PRKG1: variants seen among roughly 807,000 people sequenced by gnomAD.
The protein encoded by PRKG1 is cGMP-dependent protein kinase 1.
Under a neutral mutation model 88.1 loss-of-function variants are expected in PRKG1, and 35 were observed. The ratio of observed to expected loss-of-function variants is 0.40; its 90% CI spans 0.30 to 0.53. The LOEUF (loss-of-function observed/expected upper bound fraction) is 0.53. Ranked by LOEUF, PRKG1 falls within the 20% of genes least tolerant of loss-of-function variation. The pLI is 0.59. For missense variants in PRKG1, 540 were observed against 839.8 expected, an observed-to-expected ratio of 0.64 and a Z score of 4.41; for synonymous variants, 303 against 292.5, an observed-to-expected ratio of 1.04 and a Z score of -0.37.
chr10:51,972,515 C>T (rs576888021), intron 5 of PRKG1, among the ~76,000 whole-genome samples: 2 of 152,288 alleles, frequency 1.3e-5, no homozygotes, highest in South Asian at 2.1e-4. Context: ...ATACTTATAA[C>T]ACGTGGTAAA....
intron 4 of PRKG1, among the ~76,000 whole-genome samples, chr10:51,888,713 G>A (rs1841635912): frequency 6.6e-6 from 1 of 152,156 alleles, no homozygotes; most frequent in Admixed American, 6.5e-5. Flanking sequence ...TTTGTGTCCA[G>A]GTTTTGCCAC....
chr10:51,892,921 G>A (rs1452428943), intron 4 of PRKG1, among the ~76,000 whole-genome samples: 1 of 152,066 alleles, frequency 6.6e-6, no homozygotes, highest in Admixed American at 6.6e-5. Flanking sequence ...TATTTAAAAG[G>A]TCATACATTC....
chr10:51,634,757 A>T (rs1486083465), intron 3 of PRKG1, among the ~76,000 whole-genome samples: 1 of 152,140 alleles, frequency 6.6e-6, no homozygotes, highest in Non-Finnish European at 1.5e-5. Flanking sequence ...CACAGCCATA[A>T]AAAAGAATGA....
At chr10:51,810,367 G>GTGAT (rs1839423498) in intron 4 of PRKG1, among the ~76,000 whole-genome samples, 1 of 152,238 alleles carries the variant, frequency 6.6e-6, no homozygotes, top group East Asian at 1.9e-4. Context: ...TTACTGGGAG[G>GTGAT]TGATTTGTAA....
At chr10:51,568,617 A>G (rs1001690148) in intron 3 of PRKG1, 1 of 152,056 alleles carries the variant, frequency 6.6e-6, no homozygotes, top group Non-Finnish European at 1.5e-5. Context: ...GTATTTAAAT[A>G]ACTTTATAGC....
chr10:51,933,651 A>G (rs988315565), intron 5 of PRKG1, among the ~76,000 whole-genome samples: 4 of 152,032 alleles, frequency 2.6e-5, no homozygotes, highest in African/African-American at 7.2e-5. Context: ...CTTGCAGATC[A>G]AAAGAAACAA....
In PRKG1 at chr10:52,280,003, TTCAA is replaced by T. The variant is rs574642273; in HGVS notation, c.1404-773_1404-770del. ...CCAAGGTTTTTTCTAAATTATTTCA[TTCAA>T]TCAATCAATCAACATATATATGCCC... On this transcript the variant is annotated intron_variant, in intron 12 of 17. Transcript: ENST00000373980. Among the ~76,000 whole-genome samples, 1,331 of 152,172 alleles carry T rather than the reference TTCAA, an allele frequency of 8.7e-3. 19 individuals are homozygous for T. Among genetic ancestry groups the T allele is most frequent in the African/African-American group, 0.031 (1,270 of 41,528 alleles).
intron 3 of PRKG1, among the ~76,000 whole-genome samples, chr10:51,642,133 T>A (rs1314945580): frequency 6.6e-6 from 1 of 152,182 alleles, no homozygotes. Context: ...GGCTCACCAT[T>A]GTAATCCCAG....
intron 5 of PRKG1, among the ~76,000 whole-genome samples, chr10:51,987,240 G>T (rs549325159): frequency 6.6e-6 from 1 of 152,038 alleles, no homozygotes; most frequent in South Asian, 2.1e-4. Flanking sequence ...AAGTCTCTGG[G>T]TACATATGTT....
intron 3 of PRKG1, chr10:51,698,570 C>T: frequency 6.2e-7 from 1 of 1,613,918 alleles, no homozygotes; most frequent in Non-Finnish European, 8.5e-7. Context: ...TAACAGTCCT[C>T]GAGGAGGCAG....
intron 12 of PRKG1, 34 bp downstream of exon 12, chr10:52,272,515 A>C (rs767730912): frequency 1.4e-6 from 2 of 1,456,238 alleles, no homozygotes; most frequent in African/African-American, 1.4e-5. Context: ...TGATATCTCT[A>C]AAAACAGTTG....
Position 51,423,749 on chromosome 10 carries a change from A to T in PRKG1, c.479-43974A>T, listed in dbSNP as rs986697143. Among the ~76,000 whole-genome samples the T allele has an allele frequency of 3.3e-5, 5 of 152,312 alleles. No individual in the cohort carries two copies. The East Asian group carries it at 5.8e-4, about 18-fold the overall frequency. Reference sequence around the variant, plus strand: ...CTGAGGGTTTATCTGGAAGGCTAAGATGAATATTTTTAGGACATAGTTCGC... The same window carrying T: ...CTGAGGGTTTATCTGGAAGGCTAAGTTGAATATTTTTAGGACATAGTTCGC... On this transcript the variant is annotated intron_variant, in intron 2 of 17. Coordinates refer to ENST00000373980, the MANE Select transcript of PRKG1 (RefSeq NM_006258.4).
Position 52,110,058 on chromosome 10 carries a change from A to C in PRKG1, c.936-23782A>C, listed in dbSNP as rs557969801. ...TACTCAACACTCTTTAGAAGACCTG[A>C]TTCTAGGCCGGGCGCCGTGGCTCAC... On this transcript the variant is annotated intron_variant, in intron 7 of 17. Coordinates refer to ENST00000373980, the MANE Select transcript of PRKG1 (RefSeq NM_006258.4). Among the ~76,000 whole-genome samples, 10 of 151,974 alleles carry C rather than the reference A, an allele frequency of 6.6e-5. 1 individual carries two copies. In the South Asian group the frequency reaches 1.5e-3, roughly 22 times the overall value.
chr10:52,156,460 T>A (rs1036719444), intron 8 of PRKG1, among the ~76,000 whole-genome samples: 3 of 151,832 alleles, frequency 2.0e-5, no homozygotes, highest in Non-Finnish European at 4.4e-5. Context: ...CCCTTATAGA[T>A]AGTAGGTATT....
At chr10:51,586,939 G>A (rs1405805232) in intron 3 of PRKG1, among the ~76,000 whole-genome samples, 3 of 152,068 alleles carry the variant, frequency 2.0e-5, no homozygotes, top group African/African-American at 7.2e-5. Context: ...GATAGACTAA[G>A]CATTTCTCAA....
chr10:51,437,486 C>A lies in PRKG1; in HGVS notation c.479-30237C>A, dbSNP rs562995763. Among the ~76,000 whole-genome samples, 542 of 151,846 alleles carry A rather than the reference C, an allele frequency of 3.6e-3. 5 individuals are homozygous for A. Among genetic ancestry groups the A allele is most frequent in the African/African-American group, 0.013 (521 of 41,424 alleles). On this transcript the variant is annotated intron_variant, in intron 2 of 17. Coordinates refer to ENST00000373980, the MANE Select transcript of PRKG1 (RefSeq NM_006258.4). ...CAGTATTTATGGTGTAGGTCCCTAT[C>A]TTTCCACATATTTTACGTACATCAC... is the stretch of plus-strand genomic sequence containing the variant.
chr10:52,056,099 A>G (rs1871077), intron 6 of PRKG1, among the ~76,000 whole-genome samples: 146,707 of 152,300 alleles, frequency 0.96, 70,887 homozygotes, highest in East Asian at 1. Flanking sequence ...CTTAAAAGAT[A>G]TCATGAAATG....
At chr10:51,317,313 C>T (rs1841346946) in intron 2 of PRKG1, among the ~76,000 whole-genome samples, 1 of 152,140 alleles carries the variant, frequency 6.6e-6, no homozygotes, top group African/African-American at 2.4e-5. Flanking sequence ...TCAAGAGTCA[C>T]ATGTGGGCAA....
intron 7 of PRKG1, among the ~76,000 whole-genome samples, chr10:52,133,585 G>C (rs986362012): frequency 6.6e-6 from 1 of 152,024 alleles, no homozygotes; most frequent in Non-Finnish European, 1.5e-5. Flanking sequence ...TATCAAATTT[G>C]TTCTACTTGG....
Sources: allele counts gnomAD v4.1 joint callset (sites outside exome capture counted in the v4.1 genomes callset), GRCh38; gene constraint gnomAD v4.1.1; transcripts MANE v1.5; gene names NCBI Gene and HGNC (gene_info 2026-07-23, HGNC 2026-07-21).